GCFC2: variants seen among roughly 807,000 people sequenced by gnomAD.
GCFC2 encodes intron Large complex component GCFC2.
GCFC2 carries 102 observed loss-of-function variants against 99.4 expected under a neutral mutation model. The observed-to-expected ratio is 1.03, with a 90% CI of 0.87 to 1.21. GCFC2 has a LOEUF of 1.21. Ranked by LOEUF, GCFC2 falls within the 50% of genes most tolerant of loss-of-function variation. The probability of loss-of-function intolerance (pLI) is 0.00; values close to 1 mark genes in which losing one functional copy is unlikely to be tolerated. For missense variants in GCFC2, 973 were observed against 920.9 expected, an observed-to-expected ratio of 1.06 and a Z score of -0.73; for synonymous variants, 338 against 316.8, an observed-to-expected ratio of 1.07 and a Z score of -0.71.
At chr2:75,711,245 A>C (rs1314490008), upstream of GCFC2, 1 of 983,766 alleles carries the variant, frequency 1.0e-6, no homozygotes, top group Non-Finnish European at 1.2e-6. Context: ...GTTGTCTTTT[A>C]CTTTCTGGAG....
chr2:75,685,623 A>G (rs1294963857), intron 11 of GCFC2, among the ~76,000 whole-genome samples: 2 of 152,088 alleles, frequency 1.3e-5, no homozygotes, highest in African/African-American at 4.8e-5. Flanking sequence ...CTCAGGATTC[A>G]GGTCACTTAC....
intron 12 of GCFC2, among the ~76,000 whole-genome samples, chr2:75,674,500 T>C (rs1679256280): frequency 6.6e-6 from 1 of 152,046 alleles, no homozygotes; most frequent in Non-Finnish European, 1.5e-5. Context: ...GATTATAACT[T>C]TGAAAAAAAA....
intron 8 of GCFC2, 72 bp downstream of exon 8, chr2:75,690,566 T>C: frequency 1.3e-6 from 1 of 778,032 alleles, no homozygotes; most frequent in South Asian, 1.5e-5. Context: ...CATCATGTGG[T>C]TAATTATATT....
Position 75,690,031 on chromosome 2 carries a change from TC to T in GCFC2, c.1276del (p.Glu426LysfsTer14). On this transcript the variant is annotated frameshift_variant, in exon 9 of 17. Transcript: ENST00000321027. LOFTEE classifies it high-confidence loss of function. Reference sequence around the variant, plus strand: ...CAGTTCATCATCACTAGATGTTCCTTCCTGATGGTTACAATTCCCAGAAAGC... The same window carrying T: ...CAGTTCATCATCACTAGATGTTCCTTCTGATGGTTACAATTCCCAGAAAGC... ...RVLSGNCNHQ[E>X]GTSSDDELPS... 1 of 1,610,234 alleles carries T rather than the reference TC, an allele frequency of 6.2e-7. No homozygotes were observed. Among genetic ancestry groups the T allele is most frequent in the Non-Finnish European group, 8.5e-7 (1 of 1,178,020 alleles).
chr2:75,702,049 G>C, intron 3 of GCFC2, 150 bp downstream of exon 3: 5 of 1,428,670 alleles, frequency 3.5e-6, no homozygotes, highest in Non-Finnish European at 4.6e-6. Flanking sequence ...ACATCTTTTA[G>C]AGGTCACAAT....
At chr2:75,708,411 G>C (rs1269989385) in intron 1 of GCFC2, among the ~76,000 whole-genome samples, 2 of 148,736 alleles carry the variant, frequency 1.3e-5, no homozygotes, top group African/African-American at 2.5e-5. Flanking sequence ...AATCGTTCAT[G>C]AGTAAAAGAT....
chr2:75,692,464 T>A (rs1047818033), intron 6 of GCFC2, among the ~76,000 whole-genome samples: 2 of 151,914 alleles, frequency 1.3e-5, no homozygotes, highest in Non-Finnish European at 2.9e-5. Flanking sequence ...CTGGCCAACA[T>A]AGCGAAACCC....
At chr2:75,670,096 T>C (rs1234230652) in intron 15 of GCFC2, 42 bp downstream of exon 15, 6 of 1,388,250 alleles carry the variant, frequency 4.3e-6, no homozygotes, top group African/African-American at 1.4e-5. Flanking sequence ...CTAAATTTTT[T>C]AGAAATGATA....
At chr2:75,689,617 T>C (rs1026955945) in intron 9 of GCFC2, among the ~76,000 whole-genome samples, 2 of 152,120 alleles carry the variant, frequency 1.3e-5, no homozygotes, top group African/African-American at 4.8e-5. Context: ...TTCAACTATA[T>C]GCATCTTCTC....
At chr2:75,678,412 T>C (rs145971348) in intron 12 of GCFC2, among the ~76,000 whole-genome samples, 57 of 152,358 alleles carry the variant, frequency 3.7e-4, no homozygotes, top group African/African-American at 1.3e-3. Context: ...AGTTTCCATC[T>C]ATTTTACTTG....
At chr2:75,701,757 T>C (rs1680602109) in intron 3 of GCFC2, 1 of 582,856 alleles carries the variant, frequency 1.7e-6, no homozygotes, top group Non-Finnish European at 2.2e-6. Flanking sequence ...GCATATATCA[T>C]AAATGAGAAA....
intron 5 of GCFC2, among the ~76,000 whole-genome samples, chr2:75,695,348 C>G (rs1234756253): frequency 6.6e-6 from 1 of 152,092 alleles, no homozygotes; most frequent in Non-Finnish European, 1.5e-5. Flanking sequence ...GACTTGCTGA[C>G]TCCTGTTCTA....
chr2:75,701,845 G>C (rs1680605942), intron 3 of GCFC2: 2 of 971,140 alleles, frequency 2.1e-6, no homozygotes, highest in African/African-American at 3.5e-5. Context: ...TTTAATACAT[G>C]ACATCTAAAA....
chr2:75,682,230 G>A lies in GCFC2; in HGVS notation c.1691-1916C>T, dbSNP rs575998780. On this transcript the variant is annotated intron_variant, in intron 11 of 16. Transcript: ENST00000321027. ...CATCTGGCGGATGACCCTCTGAGAC[G>A]AAGCTTCCAGAGGAAGGAACAAGCA... 1.5e-3 allele frequency among the ~76,000 whole-genome samples: 234 copies of A among 151,956 alleles called. 2 individuals are homozygous for A. Among genetic ancestry groups the A allele is most frequent in the Non-Finnish European group, 2.7e-3 (183 of 68,012 alleles).
intron 11 of GCFC2, among the ~76,000 whole-genome samples, chr2:75,680,710 C>T (rs1296876587): frequency 2.0e-5 from 3 of 152,168 alleles, no homozygotes; most frequent in Non-Finnish European, 2.9e-5. Flanking sequence ...CTCCCCTCTC[C>T]GTTATCTCTC....
Position 75,689,103 on chromosome 2 carries a change from C to T in GCFC2, c.1462G>A (p.Ala488Thr), listed in dbSNP as rs768415738. 1 of 1,596,380 alleles carries T rather than the reference C, an allele frequency of 6.3e-7. No homozygotes were observed. Among genetic ancestry groups the T allele is most frequent in the South Asian group, 1.1e-5 (1 of 90,048 alleles). Residue 488 changes from alanine to threonine, a missense_variant, in exon 10 of 17, where the codon GCT (alanine) becomes ACT (threonine). Ala to Thr is a moderately conservative substitution (Grantham distance 58). Coordinates refer to ENST00000321027, the MANE Select transcript of GCFC2 (RefSeq NM_003203.5). ...REKFPDSYYE[A>T]FISLCIPKLL... ...TTTGGTATGCATAAACTAATGAAAG[C>T]TTCATAATAGGAGTCAGGAAACTTT...
intron 14 of GCFC2, 183 bp from the exon 15 acceptor site, chr2:75,670,467 G>A (rs1679048314): frequency 4.3e-6 from 2 of 460,706 alleles, no homozygotes; most frequent in Non-Finnish European, 7.9e-6. Flanking sequence ...CCATGTATTT[G>A]CTCATCTTAT....
At chr2:75,689,915 T>C in intron 9 of GCFC2, 54 bp downstream of exon 9, 4 of 904,162 alleles carry the variant, frequency 4.4e-6, no homozygotes, top group South Asian at 1.4e-5. Flanking sequence ...CAGCAAAGTG[T>C]TTCTCACCAT....
intron 15 of GCFC2, among the ~76,000 whole-genome samples, chr2:75,666,623 T>A (rs1678845361): frequency 6.6e-6 from 1 of 151,994 alleles, no homozygotes; most frequent in Non-Finnish European, 1.5e-5. Context: ...AAATGGAAAT[T>A]ACATTTTATC....
Sources: allele counts gnomAD v4.1 joint callset (sites outside exome capture counted in the v4.1 genomes callset), GRCh38; gene constraint gnomAD v4.1.1; transcripts MANE v1.5; gene names NCBI Gene and HGNC (gene_info 2026-07-23, HGNC 2026-07-21).